Variants in SELENOI observed in about 807,000 individuals in gnomAD.
SELENOI encodes the protein selenoprotein I, also known as ethanolaminephosphotransferase 1.
Under a neutral mutation model 50.7 loss-of-function variants are expected in SELENOI, and 24 were observed. The ratio of observed to expected loss-of-function variants is 0.47; its 90% CI spans 0.34 to 0.67. SELENOI has a LOEUF of 0.67. Ranked by LOEUF, SELENOI falls within the 30% of genes least tolerant of loss-of-function variation. The probability of loss-of-function intolerance (pLI) is 0.01; values close to 1 mark genes in which losing one functional copy is unlikely to be tolerated. For missense variants in SELENOI, 352 were observed against 461.4 expected (o/e 0.76, Z 2.17); for synonymous variants, 155 against 170.2 (o/e 0.91, Z 0.70).
Position 26,386,505 on chromosome 2 carries a change from C to G in SELENOI, c.1064C>G (p.Thr355Ser). ...ILLYTLTTAF[T>S]LAHIHYGVRV... is the part of the protein sequence containing the mutation. The stretch of plus-strand genomic sequence containing the variant: ...CTGTATACATTAACAACTGCTTTTA[C>G]TCTGGCCCACATCCATTATGGAGTA... Residue 355 changes from threonine to serine, a missense_variant, in exon 9 of 10, where the codon ACT becomes AGT. Thr to Ser is a moderately conservative substitution (Grantham distance 58). Transcript: ENST00000260585. 6.2e-7 allele frequency: 1 copy of G among 1,612,754 alleles called. No individual in the cohort carries two copies. The highest frequency in any genetic ancestry group is 8.5e-7 in the Non-Finnish European group (1 of 1,179,400).
rs1677983996 is a variant in SELENOI at position 26,392,073 on chromosome 2, G to A, written c.*2970G>A. 1 of 152,166 alleles carries A rather than the reference G, an allele frequency of 6.6e-6. No individual in the cohort carries two copies. The highest frequency in any genetic ancestry group is 2.1e-4 in the South Asian group (1 of 4,830). 9.4% of individuals were successfully genotyped at this position (152,166 alleles called of 1,614,324 possible). A position where few individuals can be genotyped will look rare whatever the true frequency, so the allele number is the denominator to read the frequency against. Reference sequence around the variant, plus strand: ...CTAAATGCTGATTGTGGTTTAGGATGTTACAGTACTAATACCATCATGTTA... The same window carrying A: ...CTAAATGCTGATTGTGGTTTAGGATATTACAGTACTAATACCATCATGTTA... On this transcript the variant is annotated 3_prime_UTR_variant, in exon 10 of 10. Coordinates refer to ENST00000260585, the MANE Select transcript of SELENOI (RefSeq NM_033505.4).
intron 4 of SELENOI, among the ~76,000 whole-genome samples, 168 bp downstream of exon 4, chr2:26,367,388 G>T (rs1180890275): frequency 2.0e-5 from 3 of 152,152 alleles, no homozygotes; most frequent in African/African-American, 7.2e-5. Flanking sequence ...AAAAAATTTT[G>T]TCATTCATTG....
Position 26,364,841 on chromosome 2 carries a change from A to G in SELENOI, c.136A>G (p.Thr46Ala), listed in dbSNP as rs750045652. Residue 46 changes from threonine (T) to alanine (A), a missense_variant, in exon 3 of 10, where the codon ACT becomes GCT. Transcript: ENST00000260585. ...TATTTTGCAAAAATAGGTATTTCCT[A>G]CTTGGCTGGCGCCCAATCTGATAAC... is the stretch of plus-strand genomic sequence containing the variant. ...FWNTIVKVFP[T>A]WLAPNLITFS... is the part of the protein sequence containing the mutation. 62 of 1,605,384 alleles carry G rather than the reference A, an allele frequency of 3.9e-5. No homozygotes were observed. The highest frequency in any genetic ancestry group is 4.9e-5 in the Non-Finnish European group (58 of 1,177,200).
chr2:26,375,588 C>G (rs913502571), intron 6 of SELENOI, among the ~76,000 whole-genome samples: 5 of 152,148 alleles, frequency 3.3e-5, no homozygotes, highest in African/African-American at 1.2e-4. Context: ...TCTTTCTTAA[C>G]CCACTGATTG....
At chr2:26,364,502 A>G (rs993247378) in intron 2 of SELENOI, 132 bp downstream of exon 2, 10 of 629,970 alleles carry the variant, frequency 1.6e-5, no homozygotes, top group South Asian at 8.3e-5. Context: ...CCCAATCACA[A>G]TACCCCAAAT....
chr2:26,364,370 G>T lies in SELENOI; in HGVS notation c.126G>T (p.Lys42Asn). 1 of 1,540,348 alleles carries T rather than the reference G, an allele frequency of 6.5e-7. No homozygotes were observed. Among genetic ancestry groups the T allele is most frequent in the South Asian group, 1.2e-5 (1 of 83,972 alleles). The change falls in exon 2 of 10, where the codon AAG (lysine) becomes AAT (asparagine). Residue 42 changes from lysine to asparagine, a missense_variant and splice_region_variant. Lys to Asn is a moderately conservative substitution (Grantham distance 94). Transcript: ENST00000260585. The stretch of plus-strand genomic sequence containing the variant: ...ATCCATTCTGGAACACTATAGTAAA[G>T]GTAAGATAATTAATATGTATGTACT... Reference protein sequence around the residue: ...VMHPFWNTIVKVFPTWLAPNL... With the variant: ...VMHPFWNTIVNVFPTWLAPNL...
Position 26,389,151 on chromosome 2 carries a change from A to G in SELENOI, c.*48A>G, listed in dbSNP as rs1343398589. The G allele has an allele frequency of 2.0e-5, 27 of 1,384,022 alleles. No individual in the cohort carries two copies. Among genetic ancestry groups the G allele is most frequent in the Non-Finnish European group, 2.6e-5 (26 of 995,154 alleles). The allele number at this position is 1,384,022 out of a possible 1,614,324, so 85.7% of individuals were successfully genotyped here. A position where few individuals can be genotyped will look rare whatever the true frequency, so the allele number is the denominator to read the frequency against. ...AAGTACTGTAAATAAATGCTTGTAA[A>G]TATTTCCTCCATCACCATTGAACTA... On this transcript the variant is annotated 3_prime_UTR_variant, in exon 10 of 10. Transcript: ENST00000260585.
chr2:26,370,496 C>T (rs1216460516), intron 4 of SELENOI, among the ~76,000 whole-genome samples: 3 of 149,142 alleles, frequency 2.0e-5, no homozygotes, highest in Non-Finnish European at 3.0e-5. Flanking sequence ...GGCTGACCCC[C>T]CCACCTCCCT....
chr2:26,348,821 A>C (rs887150650), intron 1 of SELENOI, among the ~76,000 whole-genome samples: 1 of 151,998 alleles, frequency 6.6e-6, no homozygotes, highest in Non-Finnish European at 1.5e-5. Context: ...GGTTAAAAAA[A>C]AAAAAGGAGC....
chr2:26,391,373 T>C lies in SELENOI; in HGVS notation c.*2270T>C, dbSNP rs1230659243. The C allele has an allele frequency of 6.6e-6, 1 of 152,200 alleles. No individual in the cohort carries two copies. Among genetic ancestry groups the C allele is most frequent in the Non-Finnish European group, 1.5e-5 (1 of 68,032 alleles). 9.4% of individuals were successfully genotyped at this position (152,200 alleles called of 1,614,324 possible). On this transcript the variant is annotated 3_prime_UTR_variant, in exon 10 of 10. Transcript: ENST00000260585. ...TTTGTCTGCCATTCTTGAAAGTGCATCTTGAGAGCCCCCATTTGTTGTGTA... is the reference window on the plus strand; with the variant it reads ...TTTGTCTGCCATTCTTGAAAGTGCACCTTGAGAGCCCCCATTTGTTGTGTA...
At chr2:26,352,143 G>A (rs1676973713) in intron 1 of SELENOI, among the ~76,000 whole-genome samples, 2 of 151,888 alleles carry the variant, frequency 1.3e-5, no homozygotes, top group Non-Finnish European at 2.9e-5. Context: ...CTGTCTCAGA[G>A]AAGAAAAAAA....
chr2:26,366,135 A>G (rs1005575188), intron 3 of SELENOI, among the ~76,000 whole-genome samples: 1 of 152,170 alleles, frequency 6.6e-6, no homozygotes, highest in Non-Finnish European at 1.5e-5. Context: ...CCAAATATTG[A>G]AAGTATACAT....
intron 1 of SELENOI, among the ~76,000 whole-genome samples, chr2:26,353,606 G>C (rs1358161845): frequency 6.6e-6 from 1 of 152,134 alleles, no homozygotes; most frequent in African/African-American, 2.4e-5. Flanking sequence ...ACATTAATAA[G>C]GCTTGAAATG....
At position 26,389,188 on chromosome 2, in the gene SELENOI, T is replaced by A; in HGVS notation, c.*85T>A. 6.8e-6 allele frequency: 7 copies of A among 1,035,650 alleles called. No individual in the cohort carries two copies. The highest frequency in any genetic ancestry group is 8.7e-6 in the Non-Finnish European group (6 of 686,892). The allele number at this position is 1,035,650 out of a possible 1,614,324, so 64.2% of individuals were successfully genotyped here. A position where few individuals can be genotyped will look rare whatever the true frequency, so the allele number is the denominator to read the frequency against. ...TCACCATTGAACTAGACTGATCTGC[T>A]TGACAGACGTGGGATCTCAGTATGG... On this transcript the variant is annotated 3_prime_UTR_variant, in exon 10 of 10. Transcript: ENST00000260585.
chr2:26,377,565 G>A (rs960305232), intron 6 of SELENOI, among the ~76,000 whole-genome samples: 12 of 152,120 alleles, frequency 7.9e-5, no homozygotes, highest in African/African-American at 2.2e-4. Context: ...CCAGGAAGTC[G>A]AGGCTGCAGT....
intron 1 of SELENOI, among the ~76,000 whole-genome samples, chr2:26,353,571 G>A (rs775763418): frequency 6.6e-6 from 1 of 152,134 alleles, no homozygotes. Context: ...TAGATTTGGG[G>A]AACTGCCCTC....
Position 26,375,072 on chromosome 2 carries a change from T to C in SELENOI, c.606T>C (p.Val202=). The change falls in exon 6 of 10, where the codon GTT becomes GTC. Residue 202 remains valine (V), a synonymous_variant. Coordinates refer to ENST00000260585, the MANE Select transcript of SELENOI (RefSeq NM_033505.4). ...CTTTTGTCTACATAGTGACTGCAGT[T>C]GTGGGAGTTGAGGCCTGGTATGAAC... ...TISFVYIVTA[V]VGVEAWYEPF... is the part of the protein sequence containing the mutation. The C allele has an allele frequency of 6.2e-7, 1 of 1,613,480 alleles. No individual in the cohort carries two copies.
chr2:26,370,214 T>A (rs1377165194), intron 4 of SELENOI, among the ~76,000 whole-genome samples: 1 of 151,718 alleles, frequency 6.6e-6, no homozygotes. Flanking sequence ...GCAGAAGAAT[T>A]TTTCTAAGTA....
intron 4 of SELENOI, among the ~76,000 whole-genome samples, chr2:26,370,431 G>A (rs1487383098): frequency 1.3e-5 from 2 of 151,812 alleles, no homozygotes; most frequent in Non-Finnish European, 2.9e-5. Context: ...CCCAGTAGGG[G>A]CGGCTGGGCA....
Sources: gnomAD v4.1 joint callset for allele counts (sites outside exome capture counted in the v4.1 genomes callset) on GRCh38, gnomAD v4.1.1 for gene constraint, MANE v1.5 for transcripts, NCBI Gene and HGNC (gene_info 2026-07-23, HGNC 2026-07-21) for gene names.